Variants in TP53BP1 observed in about 807,000 individuals in gnomAD.
The protein encoded by TP53BP1 is TP53-binding protein 1.
TP53BP1 carries 61 observed loss-of-function variants against 200.8 expected under a neutral mutation model. That is an observed-to-expected ratio of 0.30 (90% confidence interval 0.25 to 0.38). TP53BP1 has a LOEUF of 0.38. Among genes scored for constraint, TP53BP1 ranks in the 10% least tolerant of loss-of-function variants. The probability of loss-of-function intolerance (pLI) is 1.00; values close to 1 mark genes in which losing one functional copy is unlikely to be tolerated. For missense variants in TP53BP1, 2,144 were observed against 2,371.9 expected (o/e 0.90, Z 2.00); for synonymous variants, 822 against 844.3 (o/e 0.97, Z 0.46).
intron 17 of TP53BP1, 114 bp from the exon 18 acceptor site, chr15:43,428,282 G>T: frequency 1.1e-6 from 1 of 907,374 alleles, no homozygotes. Context: ...TAGTGTGACA[G>T]AATCTTCCTA....
At chr15:43,450,826 T>A (rs1331978613) in intron 12 of TP53BP1, among the ~76,000 whole-genome samples, 1 of 137,990 alleles carries the variant, frequency 7.2e-6, no homozygotes. Context: ...CCACTCAGAA[T>A]CTCTACTTTG....
chr15:43,500,639 G>A (rs1353402395), intron 1 of TP53BP1, among the ~76,000 whole-genome samples: 2 of 151,974 alleles, frequency 1.3e-5, no homozygotes, highest in Non-Finnish European at 2.9e-5. Context: ...GGCCAACATG[G>A]TGAAACCCCA....
intron 1 of TP53BP1, among the ~76,000 whole-genome samples, chr15:43,506,952 G>A (rs2079240628): frequency 6.6e-6 from 1 of 152,176 alleles, no homozygotes; most frequent in Non-Finnish European, 1.5e-5. Context: ...CGCAGGCCAA[G>A]TCTTCATTTA....
At chr15:43,414,853 G>A (rs1029470338) in intron 23 of TP53BP1, among the ~76,000 whole-genome samples, 1 of 151,934 alleles carries the variant, frequency 6.6e-6, no homozygotes, top group Non-Finnish European at 1.5e-5. Flanking sequence ...CTACAGGCAT[G>A]TGCCACCACT....
intron 4 of TP53BP1, among the ~76,000 whole-genome samples, chr15:43,488,721 C>T (rs1470504672): frequency 4.6e-5 from 7 of 152,184 alleles, no homozygotes; most frequent in African/African-American, 1.7e-4. Context: ...TGGGGAAACC[C>T]CATCTCTACT....
intron 27 of TP53BP1, 80 bp downstream of exon 27, chr15:43,407,863 G>C: frequency 7.1e-7 from 1 of 1,407,534 alleles, no homozygotes; most frequent in Non-Finnish European, 9.6e-7. Context: ...TTAGGCCTGA[G>C]CCTTGGACCA....
intron 21 of TP53BP1, among the ~76,000 whole-genome samples, chr15:43,419,506 T>C (rs1340769178): frequency 6.7e-6 from 1 of 149,258 alleles, no homozygotes; most frequent in Non-Finnish European, 1.5e-5. Flanking sequence ...ACAACAAGCA[T>C]GTGCCCCCAT....
intron 18 of TP53BP1, 72 bp downstream of exon 18, chr15:43,427,944 A>G (rs1422392210): frequency 1.8e-6 from 2 of 1,134,638 alleles, no homozygotes; most frequent in Non-Finnish European, 2.5e-6. Context: ...GTAACAAAGT[A>G]AGACCCTGTC....
At position 43,407,204 on chromosome 15, in the gene TP53BP1, G is replaced by A; in HGVS notation, c.*179C>T. ...GATTAAGCTCAAAAAAACAGATGAAGAAATCCCAGTTACTACAACCAAAGA... is the reference window on the plus strand; with the variant it reads ...GATTAAGCTCAAAAAAACAGATGAAAAAATCCCAGTTACTACAACCAAAGA... On this transcript the variant is annotated 3_prime_UTR_variant, in exon 28 of 28. Coordinates refer to ENST00000382044, the MANE Select transcript of TP53BP1 (RefSeq NM_001141980.3). The A allele has an allele frequency of 3.4e-6, 2 of 594,980 alleles. No homozygotes were observed. Among genetic ancestry groups the A allele is most frequent in the South Asian group, 4.5e-5 (2 of 44,092 alleles). 36.9% of individuals were successfully genotyped at this position (594,980 alleles called of 1,614,324 possible).
chr15:43,443,410 G>A (rs1018378586), intron 14 of TP53BP1, among the ~76,000 whole-genome samples: 3 of 152,168 alleles, frequency 2.0e-5, no homozygotes, highest in Non-Finnish European at 4.4e-5. Flanking sequence ...AACAAAGGGT[G>A]GCCAGGCACG....
At chr15:43,423,341 T>C (rs527885649) in intron 18 of TP53BP1, among the ~76,000 whole-genome samples, 88 of 151,378 alleles carry the variant, frequency 5.8e-4, no homozygotes, top group Non-Finnish European at 1.1e-3. Context: ...ATAAGATAGA[T>C]CCTTCCCTCA....
In TP53BP1 at chr15:43,446,471, C is replaced by T. The variant is rs758253263; in HGVS notation, c.2956G>A (p.Val986Met). The T allele has an allele frequency of 5.0e-6, 8 of 1,614,038 alleles. No individual in the cohort carries two copies. The highest frequency in any genetic ancestry group is 3.3e-5 in the South Asian group (3 of 91,094). Residue 986 changes from valine to methionine, a missense_variant, in exon 14 of 28, where the codon GTG becomes ATG. Physicochemically the swap from Val to Met is conservative, Grantham distance 21. Around this residue, in one of 4 missense-constraint regions of TP53BP1, gnomAD observed 1,700 missense variants for 1,710.3 expected, o/e 0.99. Transcript: ENST00000382044. Reference sequence around the variant, plus strand: ...ATTCTTAGACATAATTTATCATCCACGTCTGGGGCAGCCCCAGAATCCCCT... The same window carrying T: ...ATTCTTAGACATAATTTATCATCCATGTCTGGGGCAGCCCCAGAATCCCCT... The part of the protein sequence containing the change: ...GKGDSGAAPD[V>M]DDKLCLRMKL...
At chr15:43,422,942 C>G (rs897375323) in intron 18 of TP53BP1, among the ~76,000 whole-genome samples, 1 of 150,998 alleles carries the variant, frequency 6.6e-6, no homozygotes, top group Admixed American at 6.6e-5. Context: ...TGCAGTGAGC[C>G]GGGATCATGC....
upstream of TP53BP1, among the ~76,000 whole-genome samples, chr15:43,493,605 T>G (rs2079159665): frequency 6.6e-6 from 1 of 152,106 alleles, no homozygotes; most frequent in East Asian, 1.9e-4. Context: ...GAAGAGACTC[T>G]TTCTTCTTTG....
At chr15:43,438,916 T>C (rs2045864119) in intron 15 of TP53BP1, among the ~76,000 whole-genome samples, 1 of 152,126 alleles carries the variant, frequency 6.6e-6, no homozygotes, top group Admixed American at 6.5e-5. Context: ...GGAACCATTG[T>C]CAATTTTTTA....
chr15:43,409,581 T>C (rs2045042784), intron 25 of TP53BP1, 66 bp downstream of exon 25: 2 of 909,252 alleles, frequency 2.2e-6, no homozygotes, highest in Admixed American at 5.8e-5. Flanking sequence ...CCCAGGCCTC[T>C]TCTCAACACA....
chr15:43,502,581 A>G (rs2079214912), intron 1 of TP53BP1, among the ~76,000 whole-genome samples: 1 of 149,522 alleles, frequency 6.7e-6, no homozygotes, highest in African/African-American at 2.5e-5. Context: ...CAGCCTCCTG[A>G]GCAGCTGGGA....
At position 43,446,266 on chromosome 15, in the gene TP53BP1, G is replaced by C. The variant is rs950097347; in HGVS notation, c.3040+121C>G. On this transcript the variant is annotated intron_variant, in intron 14 of 27. Coordinates refer to ENST00000382044, the MANE Select transcript of TP53BP1 (RefSeq NM_001141980.3). ...CAAAAGCAAAGAATTAAATCTATGA[G>C]TGTAAGACTTTACAAATACATTTAT... is the stretch of plus-strand genomic sequence containing the variant. 8 of 776,410 alleles carry C rather than the reference G, an allele frequency of 1.0e-5. No individual in the cohort carries two copies. The Admixed American group carries it at 1.7e-4, about 16-fold the overall frequency. 48.1% of individuals were successfully genotyped at this position (776,410 alleles called of 1,614,324 possible).
intron 16 of TP53BP1, among the ~76,000 whole-genome samples, chr15:43,433,577 G>C (rs1037229923): frequency 2.6e-4 from 40 of 152,202 alleles, no homozygotes; most frequent in African/African-American, 7.0e-4. Context: ...ACAGAAGACT[G>C]AATGTTCTCT....
Sources: gnomAD v4.1 joint callset for allele counts (sites outside exome capture counted in the v4.1 genomes callset) on GRCh38, gnomAD v4.1.1 for gene constraint, gnomAD v4.1.1 regional missense constraint, MANE v1.5 for transcripts, NCBI Gene and HGNC (gene_info 2026-07-23, HGNC 2026-07-21) for gene names.